Variants in DSCAM observed in about 807,000 individuals in gnomAD.
DSCAM encodes cell adhesion molecule DSCAM.
DSCAM carries 47 observed loss-of-function variants against 217.7 expected under a neutral mutation model. The observed-to-expected ratio is 0.22, with a 90% CI of 0.17 to 0.28. The LOEUF (loss-of-function observed/expected upper bound fraction) is 0.28. Ranked by LOEUF, DSCAM falls within the 10% of genes least tolerant of loss-of-function variation. DSCAM has a pLI of 1.00. For missense variants in DSCAM, 2,080 were observed against 2,618.3 expected (o/e 0.79, Z 4.49); for synonymous variants, 1,056 against 1,015.3 (o/e 1.04, Z -0.76).
intron 9 of DSCAM, among the ~76,000 whole-genome samples, chr21:40,307,696 G>C (rs1834582590): frequency 6.6e-6 from 1 of 152,106 alleles, no homozygotes; most frequent in Admixed American, 6.6e-5. Flanking sequence ...ATGTCCAACA[G>C]TGATAGACTG....
At chr21:40,402,302 C>G (rs1208051878) in intron 3 of DSCAM, among the ~76,000 whole-genome samples, 1 of 137,586 alleles carries the variant, frequency 7.3e-6, no homozygotes, top group Non-Finnish European at 1.5e-5. Flanking sequence ...GTCTCCTGAC[C>G]TCGTGATCTG....
chr21:40,574,706 A>ATTT lies in DSCAM; in HGVS notation c.508+118101_508+118103dup, dbSNP rs35778831. 2.5e-3 allele frequency among the ~76,000 whole-genome samples: 321 copies of ATTT among 127,622 alleles called. 4 individuals are homozygous for ATTT. The highest frequency in any genetic ancestry group is 7.9e-3 in the African/African-American group (271 of 34,230). 83.7% of individuals were successfully genotyped at this position (127,622 alleles called of 152,430 possible). ...AAAAGAGAATCACATAAGGTGCCTG[A>ATTT]TTTTTTTTTTTTTTTTTTTTGAGAC... On this transcript the variant is annotated intron_variant, in intron 3 of 32. Coordinates refer to ENST00000400454, the MANE Select transcript of DSCAM (RefSeq NM_001389.5).
chr21:40,563,629 T>C (rs2076739620), intron 3 of DSCAM, among the ~76,000 whole-genome samples: 2 of 146,352 alleles, frequency 1.4e-5, no homozygotes, highest in Middle Eastern at 3.6e-3. Flanking sequence ...TATATATAGT[T>C]ATATGTGTAT....
chr21:40,645,928 G>A (rs911204055), intron 3 of DSCAM, among the ~76,000 whole-genome samples: 21 of 152,234 alleles, frequency 1.4e-4, no homozygotes, highest in African/African-American at 4.8e-4. Context: ...TGGGTGCAGA[G>A]TGAAAAACAA....
At chr21:40,451,429 T>G (rs12481965) in intron 3 of DSCAM, among the ~76,000 whole-genome samples, 30,471 of 152,128 alleles carry the variant, frequency 0.2, 3,691 homozygotes, top group African/African-American at 0.33. Context: ...GTAAAGAAAT[T>G]TCCACATCAA....
intron 3 of DSCAM, among the ~76,000 whole-genome samples, chr21:40,498,174 A>G (rs1243790389): frequency 6.6e-6 from 1 of 152,154 alleles, no homozygotes; most frequent in East Asian, 1.9e-4. Flanking sequence ...CTCCTTCACA[A>G]TGAGAGTTCA....
chr21:40,090,310 C>G (rs911948985), intron 21 of DSCAM, among the ~76,000 whole-genome samples: 4 of 152,120 alleles, frequency 2.6e-5, no homozygotes, highest in African/African-American at 9.7e-5. Context: ...AGCCTCCCTC[C>G]CCCTCCCAGC....
chr21:40,451,456 AGTGTTTCTTG>A (rs1433281010), intron 3 of DSCAM, among the ~76,000 whole-genome samples: 2 of 152,264 alleles, frequency 1.3e-5, no homozygotes, highest in Non-Finnish European at 2.9e-5. Context: ...GAGATAATTG[AGTGTTTCTTG>A]GTTTTGTATC....
intron 1 of DSCAM, among the ~76,000 whole-genome samples, chr21:40,838,793 T>C (rs1244390129): frequency 2.0e-5 from 3 of 152,226 alleles, no homozygotes; most frequent in African/African-American, 7.2e-5. Flanking sequence ...TAGATGGTTC[T>C]TTATAAGACA....
intron 11 of DSCAM, among the ~76,000 whole-genome samples, chr21:40,192,206 A>AGTTCT (rs2146836817): frequency 6.6e-6 from 1 of 152,174 alleles, no homozygotes; most frequent in South Asian, 2.1e-4. Context: ...TTCCCCCTCA[A>AGTTCT]GTTCTAAGCA....
chr21:40,166,242 T>C (rs1261110236), intron 16 of DSCAM, among the ~76,000 whole-genome samples: 3 of 152,188 alleles, frequency 2.0e-5, no homozygotes, highest in East Asian at 1.9e-4. Context: ...ATTGTAGTTG[T>C]TGGCTGCCCT....
At chr21:40,078,201 A>G (rs1240300306) in intron 26 of DSCAM, among the ~76,000 whole-genome samples, 2 of 152,156 alleles carry the variant, frequency 1.3e-5, no homozygotes, top group Non-Finnish European at 2.9e-5. Flanking sequence ...TTATTATCCT[A>G]TTTCCATCAG....
chr21:40,840,733 G>GT (rs2092093962), intron 1 of DSCAM, among the ~76,000 whole-genome samples: 1 of 152,128 alleles, frequency 6.6e-6, no homozygotes, highest in African/African-American at 2.4e-5. Flanking sequence ...AAAAAGGTGG[G>GT]TAGAGCAAAA....
intron 8 of DSCAM, among the ~76,000 whole-genome samples, chr21:40,313,659 T>C (rs1170723169): frequency 2.6e-5 from 4 of 152,190 alleles, no homozygotes; most frequent in Admixed American, 6.5e-5. Context: ...TACTCAAAGA[T>C]GTTACCTTGC....
chr21:40,139,739 TGA>T (rs1377322781), intron 18 of DSCAM, among the ~76,000 whole-genome samples: 1 of 151,532 alleles, frequency 6.6e-6, no homozygotes, highest in African/African-American at 2.4e-5. Context: ...TGTATGTGTA[TGA>T]GGGGTGTGTG....
chr21:40,343,258 T>G (rs2074519344), intron 6 of DSCAM, among the ~76,000 whole-genome samples: 1 of 152,196 alleles, frequency 6.6e-6, no homozygotes, highest in Non-Finnish European at 1.5e-5. Flanking sequence ...AGCTGAAATT[T>G]TTCCTTTCCA....
intron 10 of DSCAM, among the ~76,000 whole-genome samples, chr21:40,287,675 G>C (rs1157601448): frequency 6.6e-6 from 1 of 152,184 alleles, no homozygotes; most frequent in East Asian, 1.9e-4. Context: ...TGCCCCCTGT[G>C]ATGAGTCTAT....
chr21:40,246,949 A>T (rs970815011), intron 11 of DSCAM, among the ~76,000 whole-genome samples: 3 of 152,180 alleles, frequency 2.0e-5, no homozygotes, highest in African/African-American at 7.2e-5. Context: ...TTATAGCTCC[A>T]TATGGCTGGG....
chr21:40,358,730 A>G (rs950563663), intron 4 of DSCAM, among the ~76,000 whole-genome samples: 6 of 151,734 alleles, frequency 4.0e-5, no homozygotes. Context: ...TGAACCCGGG[A>G]AGCGGAGGTT....
Sources: gnomAD v4.1 joint callset for allele counts (sites outside exome capture counted in the v4.1 genomes callset) on GRCh38, gnomAD v4.1.1 for gene constraint, MANE v1.5 for transcripts, NCBI Gene and HGNC (gene_info 2026-07-23, HGNC 2026-07-21) for gene names.